Variants in DTNA observed in about 807,000 individuals in gnomAD.
The protein encoded by DTNA is dystrobrevin alpha.
DTNA carries 43 observed loss-of-function variants against 100.7 expected under a neutral mutation model. The ratio of observed to expected loss-of-function variants is 0.43; its 90% CI spans 0.33 to 0.55. The LOEUF (loss-of-function observed/expected upper bound fraction) is 0.55, where lower values mean the gene tolerates loss of function less well. Ranked by LOEUF, DTNA falls within the 20% of genes least tolerant of loss-of-function variation. DTNA has a pLI of 0.04. For synonymous variants in DTNA, 349 were observed against 347.9 expected (o/e 1.00, Z -0.04); for missense variants, 798 against 953.9 (o/e 0.84, Z 2.15).
intron 17 of DTNA, chr18:34,868,763 GTGA>G (rs1418016644): frequency 3.5e-5 from 34 of 985,052 alleles, no homozygotes; most frequent in Non-Finnish European, 4.1e-5. Context: ...GTAATATAAT[GTGA>G]TGATTATGAT....
chr18:34,764,063 G>A (rs1043799504), intron 2 of DTNA, among the ~76,000 whole-genome samples: 4 of 152,106 alleles, frequency 2.6e-5, no homozygotes, highest in Non-Finnish European at 4.4e-5. Context: ...GACTCCAGGG[G>A]AAACTAGATC....
At position 34,775,824 on chromosome 18, in the gene DTNA, C is replaced by A. The variant is rs541635072; in HGVS notation, c.148+9783C>A. Among the ~76,000 whole-genome samples the A allele has an allele frequency of 4.6e-5, 7 of 152,334 alleles. 1 individual carries two copies. In the South Asian group the frequency reaches 1.5e-3, roughly 32 times the overall value. On this transcript the variant is annotated intron_variant, in intron 3 of 22. Coordinates refer to ENST00000444659, the MANE Select transcript of DTNA (RefSeq NM_001386795.1). ...ACCCTGAGCAGGGAACCAGTCATGC[C>A]ATACTTAACTCCTTAACTACAGAAC... is the stretch of plus-strand genomic sequence containing the variant.
At chr18:34,567,918 T>G (rs1359048774) in intron 1 of DTNA, among the ~76,000 whole-genome samples, 1 of 152,218 alleles carries the variant, frequency 6.6e-6, no homozygotes, top group Non-Finnish European at 1.5e-5. Flanking sequence ...AAGTATGTTA[T>G]TCTGCCGGGT....
Position 34,805,359 on chromosome 18 carries a change from C to CT in DTNA, c.363-859dup, listed in dbSNP as rs201445148. Among the ~76,000 whole-genome samples the CT allele has an allele frequency of 6.3e-3, 959 of 152,252 alleles. 2 individuals are homozygous for CT. Among genetic ancestry groups the CT allele is most frequent in the South Asian group, 0.021 (101 of 4,820 alleles). On this transcript the variant is annotated intron_variant, in intron 4 of 22. Transcript: ENST00000444659. ...TTTTTTTTTAAGACAGAGTCTCCCT[C>CT]TGTCGCCCAGGCTGGAGTGCAGTGG...
rs192131024 is a variant in DTNA, at chr18:34,627,390, C to T, written c.-1-128586C>T. On this transcript the variant is annotated intron_variant, in intron 1 of 19. Coordinates refer to the DTNA transcript ENST00000283365. ...CTCTTCTACTGAAGTCTCCACTGCT[C>T]CCTTTAGCCAAGAAGGACAAATTCT... Among the ~76,000 whole-genome samples the T allele has an allele frequency of 6.3e-4, 96 of 152,256 alleles. 1 individual carries two copies. In the East Asian group the frequency reaches 0.019, roughly 29 times the overall value.
At chr18:34,786,182 A>G (rs988349081) in intron 3 of DTNA, among the ~76,000 whole-genome samples, 3 of 152,238 alleles carry the variant, frequency 2.0e-5, no homozygotes, top group African/African-American at 7.2e-5. Context: ...ATGCGTGTTC[A>G]TCTGTTCATT....
chr18:34,716,149 A>G (rs1369980280), intron 1 of DTNA, among the ~76,000 whole-genome samples: 1 of 152,204 alleles, frequency 6.6e-6, no homozygotes, highest in Non-Finnish European at 1.5e-5. Context: ...CTAACAAAAT[A>G]AATAGTCTAA....
chr18:34,553,660 T>C (rs1330106351), intron 1 of DTNA, among the ~76,000 whole-genome samples: 1 of 151,848 alleles, frequency 6.6e-6, no homozygotes, highest in South Asian at 2.1e-4. Context: ...TGCTTGTTTT[T>C]CTCAGGTTTG....
At chr18:34,684,402 G>C (rs1216214002) in intron 1 of DTNA, among the ~76,000 whole-genome samples, 1 of 152,010 alleles carries the variant, frequency 6.6e-6, no homozygotes, top group African/African-American at 2.4e-5. Context: ...TGTGGTCTTT[G>C]GTTTTCTGTT....
intron 20 of DTNA, among the ~76,000 whole-genome samples, chr18:34,880,940 C>A (rs576955533): frequency 1.3e-5 from 2 of 152,232 alleles, no homozygotes; most frequent in South Asian, 2.1e-4. Flanking sequence ...TATTATTAAG[C>A]ATTTATATGG....
intron 1 of DTNA, among the ~76,000 whole-genome samples, chr18:34,725,801 G>A (rs570829383): frequency 6.4e-4 from 97 of 152,252 alleles, no homozygotes; most frequent in African/African-American, 2.2e-3. Flanking sequence ...ATGCACACGT[G>A]TGTTTATTGC....
intron 9 of DTNA, chr18:34,825,371 A>C: frequency 1.4e-6 from 2 of 1,469,858 alleles, no homozygotes; most frequent in Non-Finnish European, 1.9e-6. Context: ...ATATGAGGCT[A>C]GTTTAGAACT....
At chr18:34,578,869 G>T (rs2048360438) in intron 1 of DTNA, among the ~76,000 whole-genome samples, 2 of 152,016 alleles carry the variant, frequency 1.3e-5, no homozygotes, top group Non-Finnish European at 2.9e-5. Context: ...GGTGACCATG[G>T]CCTTTACATT....
chr18:34,794,340 T>G, intron 4 of DTNA, 90 bp downstream of exon 4: 1 of 1,409,786 alleles, frequency 7.1e-7, no homozygotes, highest in South Asian at 1.2e-5. Flanking sequence ...ATTTTATATC[T>G]CTCTCTTTTT....
At chr18:34,778,835 T>A (rs2094184131) in intron 3 of DTNA, among the ~76,000 whole-genome samples, 1 of 152,086 alleles carries the variant, frequency 6.6e-6, no homozygotes, top group Admixed American at 6.5e-5. Context: ...GTTGTTGTTT[T>A]GAGACAGAGT....
chr18:34,708,623 G>T (rs890988590), upstream of DTNA, among the ~76,000 whole-genome samples: 1 of 152,256 alleles, frequency 6.6e-6, no homozygotes, highest in East Asian at 1.9e-4. Flanking sequence ...TGCCTAAAAA[G>T]GTCTCTATAT....
intron 1 of DTNA, among the ~76,000 whole-genome samples, chr18:34,754,053 C>A (rs181202304): frequency 2.0e-5 from 3 of 152,222 alleles, no homozygotes; most frequent in African/African-American, 7.2e-5. Context: ...TTAGGATAGT[C>A]CCTGGTATAT....
At chr18:34,575,828 C>G (rs2146530944) in intron 1 of DTNA, among the ~76,000 whole-genome samples, 1 of 152,232 alleles carries the variant, frequency 6.6e-6, no homozygotes, top group South Asian at 2.1e-4. Flanking sequence ...TCCCCATTTT[C>G]CCCTAGAAAG....
intron 1 of DTNA, among the ~76,000 whole-genome samples, chr18:34,724,073 G>A (rs1315843643): frequency 1.3e-5 from 2 of 152,184 alleles, no homozygotes; most frequent in African/African-American, 4.8e-5. Flanking sequence ...AATATGTAAT[G>A]TTAGTGAAGT....
Sources: allele counts gnomAD v4.1 joint callset (sites outside exome capture counted in the v4.1 genomes callset), GRCh38; gene constraint gnomAD v4.1.1; transcripts MANE v1.5; gene names NCBI Gene and HGNC (gene_info 2026-07-23, HGNC 2026-07-21).